Variants in LY96 observed in about 807,000 individuals in gnomAD.
LY96 encodes the protein myeloid differentiation protein-2.
LY96 carries 18 observed loss-of-function variants against 18.9 expected under a neutral mutation model. The observed-to-expected ratio is 0.95, with a 90% CI of 0.66 to 1.41. LY96 has a LOEUF of 1.41. Ranked by LOEUF, LY96 falls within the 40% of genes most tolerant of loss-of-function variation. The pLI, the probability that LY96 is intolerant of heterozygous loss-of-function variation, is 0.00. For missense variants in LY96, 175 were observed against 182.4 expected (o/e 0.96, Z 0.23); for synonymous variants, 66 against 62.6 (o/e 1.06, Z -0.26).
chr8:74,077,527 T>C, the LY96 span, among the ~76,000 whole-genome samples: 1 of 152,042 alleles, frequency 6.6e-6, no homozygotes, highest in Admixed American at 6.6e-5. Context: ...GTGACAGCAA[T>C]GAAAATGGAG....
chr8:74,047,697 C>T, the LY96 span, among the ~76,000 whole-genome samples: 4 of 152,130 alleles, frequency 2.6e-5, no homozygotes, highest in African/African-American at 4.8e-5. Flanking sequence ...TTTCACATCT[C>T]TAAAATACAG....
At chr8:74,080,581 C>G in the LY96 span, among the ~76,000 whole-genome samples, 2 of 152,234 alleles carry the variant, frequency 1.3e-5, no homozygotes, top group South Asian at 2.1e-4. Context: ...ATGATACACT[C>G]TACCTTCTCC....
At chr8:73,995,200 G>GATACCAGCACCTTCACATGGAAC (rs1469466223) in intron 1 of LY96, among the ~76,000 whole-genome samples, 1 of 152,172 alleles carries the variant, frequency 6.6e-6, no homozygotes, top group Non-Finnish European at 1.5e-5. Context: ...GCCCTTGTCA[G>GATACCAGCACCTTCACATGGAAC]ATACCAGCAC....
chr8:74,042,365 C>CA, the LY96 span, among the ~76,000 whole-genome samples: 1 of 152,056 alleles, frequency 6.6e-6, no homozygotes, highest in South Asian at 2.1e-4. Flanking sequence ...TCTAAAAATA[C>CA]AAAAAATTAG....
At chr8:74,056,551 G>T in the LY96 span, 1 of 161,548 alleles carries the variant, frequency 6.2e-6, no homozygotes, top group South Asian at 1.6e-4. Flanking sequence ...GGAGCTTCAC[G>T]GTGAAGGGAG....
At chr8:74,061,123 C>T in the LY96 span, among the ~76,000 whole-genome samples, 62 of 152,330 alleles carry the variant, frequency 4.1e-4, no homozygotes, top group South Asian at 5.2e-3. Context: ...CTTCTCTAGG[C>T]TCCTGTGCCA....
intron 3 of LY96, among the ~76,000 whole-genome samples, chr8:74,012,297 A>G (rs1816547444): frequency 6.6e-6 from 1 of 152,210 alleles, no homozygotes; most frequent in African/African-American, 2.4e-5. Flanking sequence ...GTGTCCATCA[A>G]CAGACAAATG....
chr8:74,074,620 T>A, the LY96 span, among the ~76,000 whole-genome samples: 1 of 152,190 alleles, frequency 6.6e-6, no homozygotes, highest in Admixed American at 6.5e-5. Context: ...ATGTAGATGC[T>A]TATAGCTATA....
At chr8:74,068,006 A>G in the LY96 span, among the ~76,000 whole-genome samples, 2 of 137,696 alleles carry the variant, frequency 1.5e-5, no homozygotes, top group South Asian at 2.5e-4. Flanking sequence ...GGTTGCAGTG[A>G]GCCAAGATCG....
intron 3 of LY96, among the ~76,000 whole-genome samples, chr8:74,019,825 G>A (rs958691627): frequency 2.0e-5 from 3 of 152,070 alleles, no homozygotes; most frequent in African/African-American, 4.8e-5. Flanking sequence ...AAAATCACAC[G>A]ATTATGTCAC....
At chr8:74,039,934 G>A in the LY96 span, among the ~76,000 whole-genome samples, 5 of 152,142 alleles carry the variant, frequency 3.3e-5, no homozygotes, top group Non-Finnish European at 7.4e-5. Context: ...GTGGAGCAGA[G>A]TGTTCCCTGA....
the LY96 span, among the ~76,000 whole-genome samples, chr8:74,035,675 T>C: frequency 6.6e-6 from 1 of 152,194 alleles, no homozygotes; most frequent in African/African-American, 2.4e-5. Flanking sequence ...ACCTTAAGTC[T>C]GATAAAAAAC....
chr8:74,053,054 A>G, the LY96 span, among the ~76,000 whole-genome samples: 1 of 152,194 alleles, frequency 6.6e-6, no homozygotes. Flanking sequence ...TGCACATCCC[A>G]CGGCCCCTGA....
At chr8:74,068,993 C>T in the LY96 span, among the ~76,000 whole-genome samples, 160 of 152,300 alleles carry the variant, frequency 1.1e-3, no homozygotes, top group Middle Eastern at 6.8e-3. Context: ...CAGGGTTTCA[C>T]CACGTTGGTC....
the LY96 span, among the ~76,000 whole-genome samples, chr8:74,054,163 G>C: frequency 6.6e-6 from 1 of 152,094 alleles, no homozygotes; most frequent in African/African-American, 2.4e-5. Context: ...GAGTAGCTGG[G>C]CCACAGGTGT....
At chr8:74,079,987 A>T in the LY96 span, among the ~76,000 whole-genome samples, 3 of 152,212 alleles carry the variant, frequency 2.0e-5, no homozygotes, top group Admixed American at 2.0e-4. Flanking sequence ...AGGACAGAAT[A>T]AAAGGAAAAA....
At chr8:73,998,697 A>AG (rs946316793) in intron 1 of LY96, among the ~76,000 whole-genome samples, 1 of 151,958 alleles carries the variant, frequency 6.6e-6, no homozygotes, top group Non-Finnish European at 1.5e-5. Context: ...CTCTCAAAAA[A>AG]AAGGAAAAAT....
intron 1 of LY96, among the ~76,000 whole-genome samples, chr8:74,000,669 A>T (rs1356284552): frequency 2.6e-5 from 4 of 152,130 alleles, no homozygotes; most frequent in Non-Finnish European, 5.9e-5. Flanking sequence ...TGTTACAGCA[A>T]CACCTCACCT....
At chr8:74,011,833 C>A in intron 3 of LY96, among the ~76,000 whole-genome samples, 1 of 138,226 alleles carries the variant, frequency 7.2e-6, no homozygotes. Context: ...CACTCCAGCC[C>A]AGGTGACAGA....
Sources: allele counts gnomAD v4.1 joint callset (sites outside exome capture counted in the v4.1 genomes callset), GRCh38; gene constraint gnomAD v4.1.1; transcripts MANE v1.5; gene names NCBI Gene and HGNC (gene_info 2026-07-23, HGNC 2026-07-21).